SYNJ2BP: variants seen among roughly 807,000 people sequenced by gnomAD.
SYNJ2BP encodes the protein synaptojanin-2-binding protein.
A neutral mutation model predicts 16.9 loss-of-function variants in SYNJ2BP; 10 were observed. That is an observed-to-expected ratio of 0.59 (90% confidence interval 0.36 to 1.00). SYNJ2BP has a LOEUF of 1.00. Among genes scored for constraint, SYNJ2BP ranks in the 50% least tolerant of loss-of-function variants. The pLI is 0.01. For synonymous variants in SYNJ2BP, 54 were observed against 68.4 expected, an observed-to-expected ratio of 0.79 and a Z score of 1.04; for missense variants, 162 against 186.7, an observed-to-expected ratio of 0.87 and a Z score of 0.77.
At chr14:70,407,047 G>T (rs920016040) in intron 1 of SYNJ2BP, among the ~76,000 whole-genome samples, 1 of 152,112 alleles carries the variant, frequency 6.6e-6, no homozygotes, top group African/African-American at 2.4e-5. Flanking sequence ...TGGTGATTAT[G>T]TACAAAAATG....
intron 1 of SYNJ2BP, among the ~76,000 whole-genome samples, chr14:70,394,226 C>T (rs767549139): frequency 1.3e-5 from 2 of 151,730 alleles, no homozygotes; most frequent in Non-Finnish European, 2.9e-5. Context: ...TAACTATTTA[C>T]AAAAATGCAT....
chr14:70,373,423 T>C (rs1309188109), intron 3 of SYNJ2BP, among the ~76,000 whole-genome samples: 1 of 152,218 alleles, frequency 6.6e-6, no homozygotes, highest in East Asian at 1.9e-4. Context: ...CCTTGCTATT[T>C]GTGTATCGTA....
chr14:70,373,021 C>G lies in SYNJ2BP; in HGVS notation c.408G>C (p.Trp136Cys). Residue 136 changes from tryptophan to cysteine, a missense_variant, in exon 4 of 4, where the codon TGG (tryptophan) becomes TGC (cysteine). Transcript: ENST00000256366. ...GTTGTTGCCGGTATCTCATGAAAGC[C>G]CAGGCTGCTACCATGGTGAGGGCAA... Reference protein sequence around the residue: ...PVFALTMVAAWAFMRYRQQL With the variant: ...PVFALTMVAACAFMRYRQQL 1 of 1,614,068 alleles carries G rather than the reference C, an allele frequency of 6.2e-7. No homozygotes were observed. Among genetic ancestry groups the G allele is most frequent in the Non-Finnish European group, 8.5e-7 (1 of 1,180,006 alleles).
Position 70,368,175 on chromosome 14 carries a change from T to C in SYNJ2BP, c.*4816A>G, listed in dbSNP as rs765030088. 1.3e-5 allele frequency: 2 copies of C among 152,222 alleles called. No individual in the cohort carries two copies. Among genetic ancestry groups the C allele is most frequent in the African/African-American group, 2.4e-5 (1 of 41,456 alleles). The allele number at this position is 152,222 out of a possible 1,614,324, so 9.4% of individuals were successfully genotyped here. A position where few individuals can be genotyped will look rare whatever the true frequency, so the allele number is the denominator to read the frequency against. ...ATAAAAAAAAAAGTCTCTAGAACTA[T>C]TGGAATTAGTCTCAGAATAACTCAT... On this transcript the variant is annotated 3_prime_UTR_variant, in exon 4 of 4. Coordinates refer to ENST00000256366, the MANE Select transcript of SYNJ2BP (RefSeq NM_018373.3).
At chr14:70,404,629 C>A (rs1050712193) in intron 1 of SYNJ2BP, among the ~76,000 whole-genome samples, 1 of 152,108 alleles carries the variant, frequency 6.6e-6, no homozygotes, top group Non-Finnish European at 1.5e-5. Flanking sequence ...TACCTTACTT[C>A]CTAGGTTCTT....
intron 1 of SYNJ2BP, among the ~76,000 whole-genome samples, chr14:70,400,339 T>C (rs915155674): frequency 6.6e-6 from 1 of 152,212 alleles, no homozygotes; most frequent in Non-Finnish European, 1.5e-5. Flanking sequence ...ACTCAGACAT[T>C]TGGATTTTTG....
chr14:70,381,952 T>C (rs1281767034), intron 2 of SYNJ2BP, among the ~76,000 whole-genome samples: 1 of 152,196 alleles, frequency 6.6e-6, no homozygotes, highest in Non-Finnish European at 1.5e-5. Flanking sequence ...AGACCAGTTG[T>C]TTGGCCGGGC....
At chr14:70,382,524 G>A (rs1269889999) in intron 2 of SYNJ2BP, among the ~76,000 whole-genome samples, 2 of 152,160 alleles carry the variant, frequency 1.3e-5, no homozygotes, top group Non-Finnish European at 1.5e-5. Context: ...GTAGGTCTGG[G>A]AAGGGCCCTG....
At chr14:70,387,022 C>T (rs1430811472) in intron 2 of SYNJ2BP, among the ~76,000 whole-genome samples, 8 of 152,322 alleles carry the variant, frequency 5.3e-5, no homozygotes, top group South Asian at 2.1e-4. Context: ...TTCTCCTCTT[C>T]GGACCATGGG....
At chr14:70,406,177 C>CCA (rs1888341176) in intron 1 of SYNJ2BP, among the ~76,000 whole-genome samples, 1 of 151,948 alleles carries the variant, frequency 6.6e-6, no homozygotes, top group East Asian at 1.9e-4. Context: ...GGGCCTACCA[C>CCA]CACACACACA....
chr14:70,389,270 T>C (rs1399661516), intron 1 of SYNJ2BP, among the ~76,000 whole-genome samples: 1 of 152,176 alleles, frequency 6.6e-6, no homozygotes, highest in East Asian at 1.9e-4. Context: ...CCTAATTTAG[T>C]GTGAGAGATT....
intron 1 of SYNJ2BP, among the ~76,000 whole-genome samples, chr14:70,397,848 A>C (rs1363429504): frequency 1.3e-5 from 2 of 151,238 alleles, no homozygotes; most frequent in African/African-American, 2.4e-5. Context: ...GCAACCAGGA[A>C]GAATGAGATA....
chr14:70,373,211 G>C, intron 3 of SYNJ2BP, 80 bp from the exon 4 acceptor site: 2 of 1,570,242 alleles, frequency 1.3e-6, no homozygotes, highest in Non-Finnish European at 1.7e-6. Flanking sequence ...ACATCACCTG[G>C]GTTTGTAGAC....
intron 2 of SYNJ2BP, among the ~76,000 whole-genome samples, chr14:70,376,038 T>G (rs2275297): frequency 0.87 from 132,594 of 152,176 alleles, 57,834 homozygotes; most frequent in East Asian, 0.93. Context: ...CTTCTATGCC[T>G]GTCTCGTTTT....
At chr14:70,391,187 T>C (rs563529474) in intron 1 of SYNJ2BP, among the ~76,000 whole-genome samples, 12 of 152,220 alleles carry the variant, frequency 7.9e-5, no homozygotes, top group South Asian at 2.1e-4. Flanking sequence ...AGCTAGATAA[T>C]AGAAAGAATT....
At chr14:70,408,296 A>G (rs1019196875) in intron 1 of SYNJ2BP, among the ~76,000 whole-genome samples, 1 of 152,182 alleles carries the variant, frequency 6.6e-6, no homozygotes, top group African/African-American at 2.4e-5. Context: ...CAGTATCCTT[A>G]AAGCACTTCA....
At position 70,370,036 on chromosome 14, in the gene SYNJ2BP, C is replaced by A. The variant is rs1060681; in HGVS notation, c.*2955G>T. The A allele has an allele frequency of 0.28, 42,142 of 152,004 alleles. 7,451 individuals are homozygous for A. Among genetic ancestry groups the A allele is most frequent in the Admixed American group, 0.39 (5,975 of 15,288 alleles). 9.4% of individuals were successfully genotyped at this position (152,004 alleles called of 1,614,324 possible). A position where few individuals can be genotyped will look rare whatever the true frequency, so the allele number is the denominator to read the frequency against. Reference sequence around the variant, plus strand: ...TAGAATCAATAATATAATTAGTGTACCTGCTTAAAACTGTATTACATTGAT... The same window carrying A: ...TAGAATCAATAATATAATTAGTGTAACTGCTTAAAACTGTATTACATTGAT... On this transcript the variant is annotated 3_prime_UTR_variant, in exon 4 of 4. Transcript: ENST00000256366.
intron 2 of SYNJ2BP, among the ~76,000 whole-genome samples, chr14:70,378,551 G>A (rs574716310): frequency 2.0e-5 from 3 of 150,128 alleles, no homozygotes; most frequent in South Asian, 2.1e-4. Context: ...CTCAGCCTCC[G>A]AAAGTGCTGG....
intron 3 of SYNJ2BP, among the ~76,000 whole-genome samples, chr14:70,374,868 CG>C (rs571134361): frequency 6.2e-4 from 95 of 152,102 alleles, no homozygotes; most frequent in African/African-American, 2.1e-3. Context: ...AAATTGGCTA[CG>C]TTTTTTTACC....
Sources: allele counts gnomAD v4.1 joint callset (sites outside exome capture counted in the v4.1 genomes callset), GRCh38; gene constraint gnomAD v4.1.1; transcripts MANE v1.5; gene names NCBI Gene and HGNC (gene_info 2026-07-23, HGNC 2026-07-21).